ATP13A4: variants seen among roughly 807,000 people sequenced by gnomAD.
The protein encoded by ATP13A4 is ATPase 13A4, also known as probable cation-transporting ATPase 13A4.
Under a neutral mutation model 142.5 loss-of-function variants are expected in ATP13A4, and 114 were observed. That is an observed-to-expected ratio of 0.80 (90% CI 0.69 to 0.93). ATP13A4 has a LOEUF of 0.93. Ranked by LOEUF, ATP13A4 falls within the 40% of genes least tolerant of loss-of-function variation. The pLI is 0.00. For missense variants in ATP13A4, 1,392 were observed against 1,454.0 expected (o/e 0.96, Z 0.69); for synonymous variants, 488 against 514.8 (o/e 0.95, Z 0.70).
chr3:193,439,571 A>G (rs1435798236), intron 21 of ATP13A4, among the ~76,000 whole-genome samples: 1 of 152,220 alleles, frequency 6.6e-6, no homozygotes, highest in East Asian at 1.9e-4. Context: ...CTAGCATGAG[A>G]GGAAATCCAT....
chr3:193,412,195 T>A lies in ATP13A4; in HGVS notation c.3191A>T (p.Gln1064Leu). The change falls in exon 27 of 30, where the codon CAG becomes CTG. Residue 1064 changes from glutamine (Q) to leucine (L), a missense_variant. By Grantham distance (113) the Gln-to-Leu change is moderately radical. Coordinates refer to ENST00000342695, the MANE Select transcript of ATP13A4 (RefSeq NM_032279.4). ...LVFSKGKPFR[Q>L]PTYTNYIFVL... ...CTACTCACAGTTTGTATAAGTTGGC[T>A]GTCTAAATGGTTTTCCTTTAGAGAA... The A allele has an allele frequency of 6.2e-7, 1 of 1,609,404 alleles. No individual in the cohort carries two copies.
At chr3:193,570,371 T>C (rs1369984111) in intron 2 of ATP13A4, among the ~76,000 whole-genome samples, 1 of 152,224 alleles carries the variant, frequency 6.6e-6, no homozygotes, top group African/African-American at 2.4e-5. Flanking sequence ...TAAATTGTTG[T>C]TTTCCTATGT....
At chr3:193,587,810 A>G in intron 1 of ATP13A4, among the ~76,000 whole-genome samples, 1 of 152,184 alleles carries the variant, frequency 6.6e-6, no homozygotes, top group East Asian at 1.9e-4. Context: ...TACAAAAAGT[A>G]TAAAAATTGT....
At chr3:193,425,752 T>C (rs1029161342) in intron 25 of ATP13A4, among the ~76,000 whole-genome samples, 3 of 151,752 alleles carry the variant, frequency 2.0e-5, no homozygotes, top group Non-Finnish European at 3.0e-5. Flanking sequence ...AGGTTGTCAG[T>C]ATGTACAAAG....
chr3:193,460,944 G>A (rs1471477248), intron 13 of ATP13A4, among the ~76,000 whole-genome samples: 1 of 152,064 alleles, frequency 6.6e-6, no homozygotes, highest in Non-Finnish European at 1.5e-5. Flanking sequence ...TTAACAAGAA[G>A]GTATTGAATA....
intron 25 of ATP13A4, among the ~76,000 whole-genome samples, chr3:193,420,103 C>A (rs971924570): frequency 6.7e-6 from 1 of 149,926 alleles, no homozygotes; most frequent in Non-Finnish European, 1.5e-5. Context: ...GGAGAAAAAT[C>A]CTGAACCTAG....
At chr3:193,422,137 A>G (rs566246302) in intron 25 of ATP13A4, among the ~76,000 whole-genome samples, 2 of 150,262 alleles carry the variant, frequency 1.3e-5, no homozygotes, top group South Asian at 4.2e-4. Flanking sequence ...AAAGAGAGCA[A>G]GATTGGCTAT....
chr3:193,577,661 G>A (rs1166225195), intron 2 of ATP13A4, among the ~76,000 whole-genome samples: 1 of 152,194 alleles, frequency 6.6e-6, no homozygotes, highest in East Asian at 1.9e-4. Context: ...GTGCTATAGT[G>A]GAACTGGAAG....
At chr3:193,410,216 T>G (rs777824987) in intron 28 of ATP13A4, among the ~76,000 whole-genome samples, 1 of 151,984 alleles carries the variant, frequency 6.6e-6, no homozygotes, top group Non-Finnish European at 1.5e-5. Context: ...TCTTGGAAAG[T>G]GAGTTTTACA....
rs551231139 is a variant in ATP13A4 at position 193,484,077 on chromosome 3, G to T, written c.739-72C>A. ...TTTCTAGGTATTATTAAGGTGCTAG[G>T]CTTCTTTAAAGATAGAGCACTGTCT... On this transcript the variant is annotated intron_variant, in intron 7 of 29. Transcript: ENST00000342695. 8.3e-6 allele frequency: 11 copies of T among 1,330,454 alleles called. No homozygotes were observed. In the South Asian group the frequency reaches 1.3e-4, roughly 16 times the overall value. The allele number at this position is 1,330,454 out of a possible 1,614,324, so 82.4% of individuals were successfully genotyped here.
intron 1 of ATP13A4, among the ~76,000 whole-genome samples, chr3:193,551,492 T>G (rs1214542020): frequency 6.6e-6 from 1 of 152,226 alleles, no homozygotes; most frequent in African/African-American, 2.4e-5. Flanking sequence ...TGGGATAGTA[T>G]TTACTCAATT....
intron 1 of ATP13A4, among the ~76,000 whole-genome samples, chr3:193,588,601 C>G (rs1490013956): frequency 6.6e-6 from 1 of 152,138 alleles, no homozygotes. Flanking sequence ...GCCCCCTATC[C>G]AGTCTTCCTG....
chr3:193,495,994 C>A (rs1010446639), intron 3 of ATP13A4, among the ~76,000 whole-genome samples: 1 of 152,086 alleles, frequency 6.6e-6, no homozygotes, highest in South Asian at 2.1e-4. Flanking sequence ...TAATAAAATA[C>A]ATAGGAATAA....
At chr3:193,485,660 C>G (rs1012347942) in intron 7 of ATP13A4, among the ~76,000 whole-genome samples, 2 of 152,040 alleles carry the variant, frequency 1.3e-5, no homozygotes, top group African/African-American at 4.8e-5. Context: ...ACCCAAAATT[C>G]CTATGTTGAA....
At position 193,554,839 on chromosome 3, in the gene ATP13A4, CA is replaced by C; in HGVS notation, c.-41del. The C allele has an allele frequency of 6.2e-7, 1 of 1,613,838 alleles. No individual in the cohort carries two copies. On this transcript the variant is annotated 5_prime_UTR_variant, in exon 1 of 30. Coordinates refer to ENST00000342695, the MANE Select transcript of ATP13A4 (RefSeq NM_032279.4). ...ACACCTCCTCCCTGACCTTGTCGTGCAGACGCTTCCAGGATGAACTCCAACT... is the reference window on the plus strand; with the variant it reads ...ACACCTCCTCCCTGACCTTGTCGTGCGACGCTTCCAGGATGAACTCCAACT...
chr3:193,531,149 A>G (rs1173220414), intron 1 of ATP13A4, among the ~76,000 whole-genome samples: 2 of 151,996 alleles, frequency 1.3e-5, no homozygotes, highest in Admixed American at 6.6e-5. Flanking sequence ...AGCACCTTGC[A>G]TATACTGGTG....
intron 2 of ATP13A4, among the ~76,000 whole-genome samples, chr3:193,509,474 G>A (rs1336779417): frequency 6.6e-6 from 1 of 152,194 alleles, no homozygotes; most frequent in African/African-American, 2.4e-5. Flanking sequence ...TATAAGGAAG[G>A]AAAGCCTGGC....
At chr3:193,538,514 A>AAC (rs71637111) in intron 1 of ATP13A4, among the ~76,000 whole-genome samples, 1 of 150,354 alleles carries the variant, frequency 6.7e-6, no homozygotes, top group Non-Finnish European at 1.5e-5. Flanking sequence ...AAAAAAAAAA[A>AAC]CCCTAGGCTT....
intron 1 of ATP13A4, among the ~76,000 whole-genome samples, chr3:193,526,032 G>C (rs1403132475): frequency 6.6e-6 from 1 of 152,058 alleles, no homozygotes; most frequent in Non-Finnish European, 1.5e-5. Flanking sequence ...AAGAAATTTG[G>C]CATTATAGTA....
Sources: allele counts gnomAD v4.1 joint callset (sites outside exome capture counted in the v4.1 genomes callset), GRCh38; gene constraint gnomAD v4.1.1; transcripts MANE v1.5; gene names NCBI Gene and HGNC (gene_info 2026-07-23, HGNC 2026-07-21).